Variants in POU2F2 observed in about 807,000 individuals in gnomAD.
The protein encoded by POU2F2 is POU domain, class 2, transcription factor 2.
Under a neutral mutation model 63.5 loss-of-function variants are expected in POU2F2, and 14 were observed. The ratio of observed to expected loss-of-function variants is 0.22; its 90% confidence interval spans 0.15 to 0.34. POU2F2 has a LOEUF of 0.34. Among genes scored for constraint, POU2F2 ranks in the 10% least tolerant of loss-of-function variants. The pLI is 1.00. For synonymous variants in POU2F2, 306 were observed against 348.6 expected (o/e 0.88, Z 1.36); for missense variants, 607 against 815.2 (o/e 0.74, Z 3.11).
intron 2 of POU2F2, among the ~76,000 whole-genome samples, chr19:42,154,782 A>G (rs2034425857): frequency 6.6e-6 from 1 of 151,816 alleles, no homozygotes; most frequent in African/African-American, 2.4e-5. Flanking sequence ...ACACACACAC[A>G]CCTTTCTCCC....
At chr19:42,132,606 G>T (rs1200722150), upstream of POU2F2, 1 of 451,606 alleles carries the variant, frequency 2.2e-6, no homozygotes. Flanking sequence ...TGTGTGCTGG[G>T]GGGTGGGGGC....
Position 42,155,276 on chromosome 19 carries a change from C to T in POU2F2, c.-9+5056G>A, listed in dbSNP as rs1288555474. Among the ~76,000 whole-genome samples the T allele has an allele frequency of 3.3e-5, 5 of 152,184 alleles. No individual in the cohort carries two copies. In the South Asian group the frequency reaches 1.0e-3, roughly 31 times the overall value. ...CTCTGTTCCTTTCTGTCTCTGAGTCCCTCACTCTGCTTTCCTGCCTCTGAC... is the reference window on the plus strand; with the variant it reads ...CTCTGTTCCTTTCTGTCTCTGAGTCTCTCACTCTGCTTTCCTGCCTCTGAC... On this transcript the variant is annotated intron_variant, in intron 2 of 6. Coordinates refer to the POU2F2 transcript ENST00000524801. This position sits in a 1 kb window ranked among gnomAD's most constrained non-coding sequence, Gnocchi z 4.2.
In POU2F2 at chr19:42,121,616, G is replaced by A; in HGVS notation, c.186+510C>T. On this transcript the variant is annotated intron_variant, in intron 4 of 14. Coordinates refer to ENST00000692977, the MANE Select transcript of POU2F2 (RefSeq NM_001394376.1). The stretch of plus-strand genomic sequence containing the variant: ...CTGCCTGCTACCCCTGGACCAGGCT[G>A]GAGGGTGGAGACTGGAGCCCAGGCA... Among the ~76,000 whole-genome samples, 2 of 152,278 alleles carry A rather than the reference G, an allele frequency of 1.3e-5. 1 individual carries two copies. Among genetic ancestry groups the A allele is most frequent in the South Asian group, 4.1e-4 (2 of 4,826 alleles).
At chr19:42,106,673 G>A (rs1288818519) in intron 5 of POU2F2, among the ~76,000 whole-genome samples, 2 of 152,118 alleles carry the variant, frequency 1.3e-5, no homozygotes, top group African/African-American at 2.4e-5. Flanking sequence ...CACTTTGGGA[G>A]GCTAGATGTG....
intron 1 of POU2F2, among the ~76,000 whole-genome samples, chr19:42,129,463 G>A (rs997950477): frequency 2.6e-5 from 4 of 151,780 alleles, no homozygotes; most frequent in Admixed American, 6.6e-5. Flanking sequence ...CTCCCTCCCC[G>A]GACTTTCACT....
rs917950978 is a variant in POU2F2 at position 42,153,470 on chromosome 19, G to A, written c.-9+6862C>T. On this transcript the variant is annotated intron_variant, in intron 2 of 6. Transcript: ENST00000524801. This position sits in a 1 kb window ranked among gnomAD's most constrained non-coding sequence, Gnocchi z 5.6. ...CTCTGGGAAGCCTGTGTGTGTTGGC[G>A]TGCGCATGCCCCTGACAGAGTGTGT... 2.6e-5 allele frequency among the ~76,000 whole-genome samples: 4 copies of A among 152,134 alleles called. No homozygotes were observed. The highest frequency in any genetic ancestry group is 1.9e-4 in the East Asian group (1 of 5,194).
At chr19:42,176,226 G>A (rs2034876146), upstream of POU2F2, among the ~76,000 whole-genome samples, 1 of 152,128 alleles carries the variant, frequency 6.6e-6, no homozygotes, top group Non-Finnish European at 1.5e-5. Flanking sequence ...GCAGCCAGCC[G>A]GGAGCAGATG....
Position 42,091,564 on chromosome 19 carries a change from A to G in POU2F2, c.1568T>C (p.Leu523Pro), listed in dbSNP as rs1393203968. 1 of 1,553,590 alleles carries G rather than the reference A, an allele frequency of 6.4e-7. No individual in the cohort carries two copies. The change falls in exon 15 of 15, where the codon CTT becomes CCT. Residue 523 changes from leucine to proline, a missense_variant. Transcript: ENST00000692977. ...QALASGGTLP[L>P]TSLDGSGNLV... is the part of the protein sequence containing the mutation. ...ATTCCCGCTGCCATCAAGGCTGGTA[A>G]GGGGCAGGGTTCCACCAGAGGCCAG... is the stretch of plus-strand genomic sequence containing the variant.
chr19:42,174,948 G>A (rs2034844451), intron 1 of POU2F2, among the ~76,000 whole-genome samples: 1 of 152,196 alleles, frequency 6.6e-6, no homozygotes. Flanking sequence ...GCAGAAAGTG[G>A]GGAGTGGTCA....
At position 42,088,319 on chromosome 19, in the gene POU2F2, C is replaced by T. The variant is rs575906269; in HGVS notation, c.*2938G>A. 2.6e-5 allele frequency: 4 copies of T among 152,214 alleles called. No homozygotes were observed. In the East Asian group the frequency reaches 5.8e-4, roughly 22 times the overall value. 9.4% of individuals were successfully genotyped at this position (152,214 alleles called of 1,614,324 possible). A position where few individuals can be genotyped will look rare whatever the true frequency, so the allele number is the denominator to read the frequency against. The stretch of plus-strand genomic sequence containing the variant: ...GGATGGGGAGGGTCCCCAGCACCCC[C>T]GGCTGCACAGGGGTCCCTCCACCAA... On this transcript the variant is annotated 3_prime_UTR_variant, in exon 15 of 15. Coordinates refer to ENST00000692977, the MANE Select transcript of POU2F2 (RefSeq NM_001394376.1).
upstream of POU2F2, among the ~76,000 whole-genome samples, chr19:42,176,856 C>G (rs1445406755): frequency 1.3e-5 from 2 of 151,390 alleles, no homozygotes; most frequent in East Asian, 2.0e-4. Flanking sequence ...GGCGCCCGCC[C>G]GGCTCCCGCC....
rs776052566 is a variant in POU2F2, at chr19:42,095,535, G to C, written c.1020+10C>G. On this transcript the variant is annotated intron_variant, in intron 10 of 14. Coordinates refer to ENST00000692977, the MANE Select transcript of POU2F2 (RefSeq NM_001394376.1). The surrounding 1 kb of genome is among the most constrained non-coding windows in gnomAD (Gnocchi z 7.1). Reference sequence around the variant, plus strand: ...TCAGGTGAGGGCCACCCAGGAGAGGGGGGCCTCACCGCTAGAAAACTCTTC... The same window carrying C: ...TCAGGTGAGGGCCACCCAGGAGAGGCGGGCCTCACCGCTAGAAAACTCTTC... The C allele has an allele frequency of 1.0e-5, 16 of 1,600,572 alleles. No homozygotes were observed. Among genetic ancestry groups the C allele is most frequent in the Non-Finnish European group, 1.4e-5 (16 of 1,173,054 alleles).
intron 2 of POU2F2, among the ~76,000 whole-genome samples, chr19:42,158,428 G>A (rs2034496192): frequency 6.6e-6 from 1 of 152,192 alleles, no homozygotes; most frequent in Non-Finnish European, 1.5e-5. Context: ...GAGCTTTAAG[G>A]TCAGGCAAAC....
chr19:42,158,577 A>C (rs1332135406), intron 2 of POU2F2, among the ~76,000 whole-genome samples: 1 of 152,234 alleles, frequency 6.6e-6, no homozygotes, highest in Non-Finnish European at 1.5e-5. Context: ...GATTAAAAGC[A>C]AAGTGCCCAG....
intron 5 of POU2F2, among the ~76,000 whole-genome samples, chr19:42,112,660 C>G (rs558348852): frequency 6.6e-6 from 1 of 152,300 alleles, no homozygotes; most frequent in Admixed American, 6.5e-5. Context: ...CTGAGCCACC[C>G]TGCCCGGCCC....
chr19:42,197,436 T>C (rs1423143984), upstream of POU2F2, among the ~76,000 whole-genome samples: 1 of 152,102 alleles, frequency 6.6e-6, no homozygotes, highest in Non-Finnish European at 1.5e-5. Flanking sequence ...GACTCACGAC[T>C]AGACTTTGCC....
rs1401957884 is a variant in POU2F2, at chr19:42,086,789, AG to A, written c.*4467del. On this transcript the variant is annotated 3_prime_UTR_variant, in exon 15 of 15. Coordinates refer to ENST00000692977, the MANE Select transcript of POU2F2 (RefSeq NM_001394376.1). Reference sequence around the variant, plus strand: ...GGGACATATTGGGGGAGGGGCAGCAAGGATAGAGGACAGGAAAGAGAGGAAG... The same window carrying A: ...GGGACATATTGGGGGAGGGGCAGCAAGATAGAGGACAGGAAAGAGAGGAAG... The A allele has an allele frequency of 2.0e-5, 3 of 152,178 alleles. No homozygotes were observed. The highest frequency in any genetic ancestry group is 7.2e-5 in the African/African-American group (3 of 41,414). 9.4% of individuals were successfully genotyped at this position (152,178 alleles called of 1,614,324 possible).
intron 3 of POU2F2, 79 bp downstream of exon 3, chr19:42,122,265 C>A: frequency 6.4e-7 from 1 of 1,551,480 alleles, no homozygotes; most frequent in Non-Finnish European, 8.8e-7. Flanking sequence ...GCCCTCCTAC[C>A]ATAGGCGGCA....
intron 1 of POU2F2, among the ~76,000 whole-genome samples, chr19:42,122,833 G>A (rs1238414210): frequency 1.3e-5 from 2 of 152,192 alleles, no homozygotes; most frequent in South Asian, 2.1e-4. Context: ...ACACAGGGGT[G>A]TTACCCACAG....
Sources: gnomAD v4.1 joint callset for allele counts (sites outside exome capture counted in the v4.1 genomes callset) on GRCh38, gnomAD v4.1.1 for gene constraint, Gnocchi (gnomAD v3.1) non-coding constraint, MANE v1.5 for transcripts, NCBI Gene and HGNC (gene_info 2026-07-23, HGNC 2026-07-21) for gene names.